The following DNAH11 variants were observed in gnomAD, a reference collection of about 807,000 sequenced individuals.
The protein encoded by DNAH11 is dynein axonemal heavy chain 11.
In DNAH11, 442 loss-of-function variants were observed where a neutral mutation model predicts 526.0. The ratio of observed to expected loss-of-function variants is 0.84; its 90% confidence interval spans 0.78 to 0.91. The LOEUF is 0.91. Among genes scored for constraint, DNAH11 ranks in the 40% least tolerant of loss-of-function variants. DNAH11 has a pLI of 0.00. For synonymous variants in DNAH11, 2,461 were observed against 1,935.9 expected (o/e 1.27, Z -7.12); for missense variants, 6,989 against 5,448.7 (o/e 1.28, Z -8.90).
At chr7:21,612,952 C>T (rs907612644) in intron 20 of DNAH11, among the ~76,000 whole-genome samples, 9 of 152,164 alleles carry the variant, frequency 5.9e-5, no homozygotes, top group African/African-American at 2.2e-4. Flanking sequence ...TATCATTCAA[C>T]ATTCATTCAT....
intron 45 of DNAH11, among the ~76,000 whole-genome samples, chr7:21,727,469 G>A (rs73682690): frequency 2.6e-5 from 4 of 152,234 alleles, no homozygotes; most frequent in African/African-American, 9.6e-5. Flanking sequence ...GTCTATTCAC[G>A]TTTCACAGTC....
chr7:21,811,578 G>A (rs1165004302), intron 63 of DNAH11, among the ~76,000 whole-genome samples: 6 of 152,164 alleles, frequency 3.9e-5, no homozygotes, highest in African/African-American at 1.4e-4. Context: ...AGGGAGGAAT[G>A]GGGAGTTATT....
intron 69 of DNAH11, 131 bp downstream of exon 69, chr7:21,862,154 T>C (rs1402243650): frequency 2.1e-6 from 2 of 942,480 alleles, no homozygotes; most frequent in Non-Finnish European, 3.0e-6. Context: ...CTTGGTGGCA[T>C]GAGGGGAATT....
Position 21,868,324 on chromosome 7 carries a change from T to C in DNAH11, c.11839+317T>C, listed in dbSNP as rs567187844. ...CCCCCTGTGACTAAATAATGGTCAT[T>C]AGAGCAAGTGTATTTGATTGCGCAA... On this transcript the variant is annotated intron_variant, in intron 72 of 81. Transcript: ENST00000409508. Among the ~76,000 whole-genome samples the C allele has an allele frequency of 4.6e-5, 7 of 152,288 alleles. 1 individual carries two copies. In the South Asian group the frequency reaches 1.5e-3, roughly 32 times the overall value.
intron 45 of DNAH11, among the ~76,000 whole-genome samples, chr7:21,727,410 T>C (rs1370895540): frequency 6.6e-6 from 1 of 152,258 alleles, no homozygotes; most frequent in Non-Finnish European, 1.5e-5. Context: ...TTTTCACGTA[T>C]AACGTTCTTC....
chr7:21,751,951 G>A (rs1053164585), intron 54 of DNAH11, among the ~76,000 whole-genome samples: 3 of 152,216 alleles, frequency 2.0e-5, no homozygotes, highest in Non-Finnish European at 4.4e-5. Flanking sequence ...ATTTGAGGTA[G>A]TAATAGTATA....
In DNAH11 at chr7:21,606,713, C is replaced by G. The variant is rs1309334471; in HGVS notation, c.3832C>G (p.Pro1278Ala). 4.4e-6 allele frequency: 7 copies of G among 1,594,392 alleles called. No individual in the cohort carries two copies. Among genetic ancestry groups the G allele is most frequent in the Non-Finnish European group, 5.1e-6 (6 of 1,170,450 alleles). Residue 1278 changes from proline to alanine, a missense_variant, in exon 20 of 82, where the codon CCA becomes GCA. By Grantham distance (27) the Pro-to-Ala change is conservative. Coordinates refer to ENST00000409508, the MANE Select transcript of DNAH11 (RefSeq NM_001277115.2). The stretch of plus-strand genomic sequence containing the variant: ...CCCTCTTGGATTTAATGCAGAAAAT[C>G]CATACACAGCGCTTGATAAGGTAAT... ...YAPLGFNAEN[P>A]YTALDKANEE...
chr7:21,548,615 T>C (rs1227171800), intron 2 of DNAH11, among the ~76,000 whole-genome samples: 1 of 152,180 alleles, frequency 6.6e-6, no homozygotes, highest in Admixed American at 6.5e-5. Flanking sequence ...CAAGTCCTGA[T>C]CCAACTGGAA....
chr7:21,672,997 C>A (rs714423), intron 30 of DNAH11, among the ~76,000 whole-genome samples: 90,198 of 152,056 alleles, frequency 0.59, 27,034 homozygotes, highest in Admixed American at 0.7. Flanking sequence ...GTATCCTATA[C>A]ACCCCAATGG....
rs1428188386 is a variant in DNAH11, at chr7:21,779,051, C to T, written c.9430C>T (p.Gln3144Ter). The T allele has an allele frequency of 1.2e-6, 2 of 1,613,294 alleles. No homozygotes were observed. Among genetic ancestry groups the T allele is most frequent in the African/African-American group, 2.7e-5 (2 of 74,884 alleles). ...AGCTCTGATCACAAAGATCGGCCTT[C>T]AGACGGAGAAAGTGAGCCGGGAAAA... is the stretch of plus-strand genomic sequence containing the variant. ...AEALITKIGLQTEKVSREKTI... is the reference protein window; with the variant it reads ...AEALITKIGL The change falls in exon 57 of 82, where the codon CAG becomes TAG. Residue 3144 changes from glutamine (Q) to a stop codon, truncating the protein, a stop_gained. Transcript: ENST00000409508. LOFTEE classifies it high-confidence loss of function.
chr7:21,606,462 G>C lies in DNAH11; in HGVS notation c.3685G>C (p.Ala1229Pro). The change falls in exon 19 of 82, where the codon GCA becomes CCA. Residue 1229 changes from alanine to proline, a missense_variant. Physicochemically the swap from Ala to Pro is conservative, Grantham distance 27 (BLOSUM62 -1). Transcript: ENST00000409508. ...PERWETTKKI[A>P]ATVRHEVSPL... The stretch of plus-strand genomic sequence containing the variant: ...AAGATGGGAAACTACCAAAAAGATC[G>C]CAGCAACTGTCAGACATGAAGTCTC... The C allele has an allele frequency of 6.2e-7, 1 of 1,606,610 alleles. No homozygotes were observed. The highest frequency in any genetic ancestry group is 8.5e-7 in the Non-Finnish European group (1 of 1,178,136).
chr7:21,555,505 A>G (rs79098203), intron 2 of DNAH11, among the ~76,000 whole-genome samples: 7,634 of 152,224 alleles, frequency 0.05, 642 homozygotes, highest in African/African-American at 0.17. Context: ...GCACACCCCA[A>G]TTGCTTTGCC....
At chr7:21,752,713 T>C (rs961603786) in intron 54 of DNAH11, among the ~76,000 whole-genome samples, 1 of 152,100 alleles carries the variant, frequency 6.6e-6, no homozygotes, top group African/African-American at 2.4e-5. Flanking sequence ...TTTTATTTAT[T>C]TACTTATTTA....
In DNAH11 at chr7:21,723,284, T is replaced by C. The variant is rs149682989; in HGVS notation, c.7266+2428T>C. 1.9e-3 allele frequency among the ~76,000 whole-genome samples: 286 copies of C among 152,328 alleles called. 1 individual carries two copies. The highest frequency in any genetic ancestry group is 6.5e-3 in the African/African-American group (272 of 41,566). ...TCTATATGGATTGGTACAACTCTTC[T>C]TTTACAAATAAGGAACTGAAGCTTA... On this transcript the variant is annotated intron_variant, in intron 44 of 81. Coordinates refer to ENST00000409508, the MANE Select transcript of DNAH11 (RefSeq NM_001277115.2).
chr7:21,763,597 G>A (rs1469767881), intron 54 of DNAH11, among the ~76,000 whole-genome samples: 1 of 151,328 alleles, frequency 6.6e-6, no homozygotes, highest in African/African-American at 2.4e-5. Flanking sequence ...CAGTATGGTC[G>A]TTCCTCAAAA....
Position 21,545,083 on chromosome 7 carries a change from T to C in DNAH11, c.429T>C (p.Ser143=), listed in dbSNP as rs777303498. The change falls in exon 2 of 82, where the codon TCT becomes TCC. Residue 143 remains serine (S), a synonymous_variant. Coordinates refer to ENST00000409508, the MANE Select transcript of DNAH11 (RefSeq NM_001277115.2). ...AAAGCATTGGAGTAAATGACTTTTC[T>C]CAAGTGGTTTTATTTGGAGAGTTAC... ...ITESIGVNDF[S]QVVLFGELPA... The C allele has an allele frequency of 2.5e-6, 4 of 1,608,772 alleles. No homozygotes were observed. The highest frequency in any genetic ancestry group is 3.4e-6 in the Non-Finnish European group (4 of 1,177,138).
chr7:21,809,321 T>C (rs1789406371), intron 63 of DNAH11, among the ~76,000 whole-genome samples: 1 of 152,222 alleles, frequency 6.6e-6, no homozygotes, highest in African/African-American at 2.4e-5. Flanking sequence ...AAGTATTTTC[T>C]TCTGTTCTGT....
chr7:21,857,985 G>A (rs1254912461), intron 68 of DNAH11, among the ~76,000 whole-genome samples: 2 of 151,710 alleles, frequency 1.3e-5, no homozygotes, highest in Admixed American at 6.6e-5. Context: ...TGAAAAGGTA[G>A]GCCACAGACA....
intron 20 of DNAH11, among the ~76,000 whole-genome samples, chr7:21,612,325 G>T (rs1210940071): frequency 6.6e-6 from 1 of 152,048 alleles, no homozygotes; most frequent in Admixed American, 6.6e-5. Context: ...GGAGGCCGAG[G>T]TGGGCAGATC....
Sources: gnomAD v4.1 joint callset for allele counts (sites outside exome capture counted in the v4.1 genomes callset) on GRCh38, gnomAD v4.1.1 for gene constraint, MANE v1.5 for transcripts, NCBI Gene and HGNC (gene_info 2026-07-23, HGNC 2026-07-21) for gene names.